Variants in SBF1 observed in about 807,000 individuals in gnomAD.
SBF1 encodes the protein SET binding factor 1, also known as myotubularin-related protein 5.
In SBF1, 65 loss-of-function variants were observed where a neutral mutation model predicts 215.8. The ratio of observed to expected loss-of-function variants is 0.30; its 90% confidence interval spans 0.25 to 0.37. The LOEUF (loss-of-function observed/expected upper bound fraction) is 0.37. Ranked by LOEUF, SBF1 falls within the 10% of genes least tolerant of loss-of-function variation. The pLI is 1.00. For missense variants in SBF1, 2,634 were observed against 2,667.8 expected, an observed-to-expected ratio of 0.99 and a Z score of 0.28; for synonymous variants, 1,410 against 1,122.8, an observed-to-expected ratio of 1.26 and a Z score of -5.11.
intron 31 of SBF1, 152 bp downstream of exon 31, chr22:50,456,064 T>C (rs780530062): frequency 1.2e-6 from 1 of 822,376 alleles, no homozygotes; most frequent in Non-Finnish European, 1.8e-6. Context: ...AGCTGCCTTC[T>C]AGGCACCAGA....
chr22:50,466,302 G>A (rs1435535367), intron 7 of SBF1, 44 bp from the exon 8 acceptor site: 1 of 1,609,868 alleles, frequency 6.2e-7, no homozygotes. Flanking sequence ...GGACGCGGCT[G>A]GGCAAAGGGG....
Position 50,455,409 on chromosome 22 carries a change from C to T in SBF1, c.4369G>A (p.Val1457Met). ...LEDGWDITTQVVSLVQLLSDP... is the reference protein window; with the variant it reads ...LEDGWDITTQMVSLVQLLSDP... ...GAGAGCAGCTGCACCAAGGATACCA[C>T]CTGCCAGCACCGCCAGGAGGTCAGC... The change falls in exon 33 of 41, where the codon GTG becomes ATG. Residue 1457 changes from valine to methionine, a missense_variant and splice_region_variant. Coordinates refer to ENST00000380817, the MANE Select transcript of SBF1 (RefSeq NM_002972.4). 1 of 1,612,030 alleles carries T rather than the reference C, an allele frequency of 6.2e-7. No homozygotes were observed. The highest frequency in any genetic ancestry group is 8.5e-7 in the Non-Finnish European group (1 of 1,178,992).
intron 5 of SBF1, 82 bp downstream of exon 5, chr22:50,467,256 T>C: frequency 8.6e-7 from 1 of 1,164,336 alleles, no homozygotes; most frequent in Non-Finnish European, 1.3e-6. Context: ...TGTGTGTGGC[T>C]CTGGCTGGGC....
intron 31 of SBF1, 104 bp downstream of exon 31, chr22:50,456,112 C>A (rs936772919): frequency 1.2e-5 from 15 of 1,231,554 alleles, no homozygotes; most frequent in South Asian, 9.3e-5. Context: ...CTCCTTCCAG[C>A]GCTCCACACT....
At chr22:50,470,313 G>A (rs563821527) in intron 1 of SBF1, among the ~76,000 whole-genome samples, 34 of 152,294 alleles carry the variant, frequency 2.2e-4, no homozygotes, top group Non-Finnish European at 4.7e-4. Context: ...GGCCAGGAAG[G>A]GAAGGCAGCC....
intron 5 of SBF1, chr22:50,466,930 G>T: frequency 1.8e-6 from 1 of 565,318 alleles, no homozygotes; most frequent in African/African-American, 1.9e-5. Flanking sequence ...TTTTGACTTG[G>T]GGGTAGGGAT....
chr22:50,467,182 G>A, intron 5 of SBF1, 156 bp downstream of exon 5: 2 of 643,780 alleles, frequency 3.1e-6, no homozygotes, highest in Non-Finnish European at 2.7e-6. Flanking sequence ...CAGGTAAGCA[G>A]GCCAGGACTG....
In SBF1 at chr22:50,456,684, G is replaced by C; in HGVS notation, c.3905-11C>G. On this transcript the variant is annotated splice_polypyrimidine_tract_variant and intron_variant, in intron 29 of 40. Coordinates refer to ENST00000380817, the MANE Select transcript of SBF1 (RefSeq NM_002972.4). ...CACTGCCCCACTTACCTGTGAAGGA[G>C]ATGCCAGGTAAGCACCCAAAGGGGG... is the stretch of plus-strand genomic sequence containing the variant. The C allele has an allele frequency of 6.8e-7, 1 of 1,463,724 alleles. No homozygotes were observed. The highest frequency in any genetic ancestry group is 9.0e-7 in the Non-Finnish European group (1 of 1,105,478). The allele number at this position is 1,463,724 out of a possible 1,614,324, so 90.7% of individuals were successfully genotyped here. A position where few individuals can be genotyped will look rare whatever the true frequency, so the allele number is the denominator to read the frequency against.
At position 50,461,629 on chromosome 22, in the gene SBF1, C is replaced by G. The variant is rs1337391388; in HGVS notation, c.2733G>C (p.Glu911Asp). 1 of 1,611,362 alleles carries G rather than the reference C, an allele frequency of 6.2e-7. No individual in the cohort carries two copies. The highest frequency in any genetic ancestry group is 1.3e-5 in the African/African-American group (1 of 74,938). The change falls in exon 22 of 41, where the codon GAG becomes GAC. Residue 911 changes from glutamate (E) to aspartate (D), a missense_variant. By Grantham distance (45) the Glu-to-Asp change is conservative. Transcript: ENST00000380817. Reference sequence around the variant, plus strand: ...GTCCCCCAGCACTGCCCCCCGCGCCCTCCTCACGCCCATCCGGCAGCAGGT... The same window carrying G: ...GTCCCCCAGCACTGCCCCCCGCGCCGTCCTCACGCCCATCCGGCAGCAGGT... ...RVYLLPDGREEGAGGSAGGPA... is the reference protein window; with the variant it reads ...RVYLLPDGREDGAGGSAGGPA...
In SBF1 at chr22:50,460,668, G is replaced by A. The variant is rs774740390; in HGVS notation, c.3012C>T (p.Ala1004=). The A allele has an allele frequency of 2.4e-5, 39 of 1,613,734 alleles. No homozygotes were observed. Among genetic ancestry groups the A allele is most frequent in the Admixed American group, 1.7e-4 (10 of 59,996 alleles). Residue 1004 remains alanine (A), a synonymous_variant, in exon 24 of 41, where the codon GCC becomes GCT. Transcript: ENST00000380817. ...TATGCAGCTGCTTACGGAAGAGCTC[G>A]GCGCTGTCAGACCCCACCTCCTCGT... The part of the protein sequence containing the change: ...AFDEEVGSDS[A]ELFRKQLHKL...
Position 50,446,865 on chromosome 22 carries a change from C to A in SBF1, c.*277G>T, listed in dbSNP as rs1350902844. ...CTAGAAACTCGCCTGCAGCCGCTGG[C>A]TGGACCAGCACACGCTGACGGGGCC... On this transcript the variant is annotated 3_prime_UTR_variant, in exon 41 of 41. Coordinates refer to ENST00000380817, the MANE Select transcript of SBF1 (RefSeq NM_002972.4). 1 of 742,816 alleles carries A rather than the reference C, an allele frequency of 1.3e-6. No homozygotes were observed. Among genetic ancestry groups the A allele is most frequent in the Non-Finnish European group, 2.5e-6 (1 of 404,980 alleles). The allele number at this position is 742,816 out of a possible 1,614,324, so 46.0% of individuals were successfully genotyped here. A position where few individuals can be genotyped will look rare whatever the true frequency, so the allele number is the denominator to read the frequency against.
intron 36 of SBF1, among the ~76,000 whole-genome samples, chr22:50,454,152 G>A (rs1326235946): frequency 1.3e-5 from 2 of 152,234 alleles, no homozygotes; most frequent in African/African-American, 4.8e-5. Flanking sequence ...GGCAGAGGGA[G>A]TAAAACACTG....
Position 50,457,024 on chromosome 22 carries a change from G to T in SBF1, c.3904+10C>A. ...AGGGGAGGCGGGCCTGCGCAGGCTC[G>T]GTACGGTACCTCGGGGTGCGGTCCG... On this transcript the variant is annotated intron_variant, in intron 29 of 40. Coordinates refer to ENST00000380817, the MANE Select transcript of SBF1 (RefSeq NM_002972.4). 1 of 1,422,986 alleles carries T rather than the reference G, an allele frequency of 7.0e-7. No homozygotes were observed. The highest frequency in any genetic ancestry group is 9.2e-7 in the Non-Finnish European group (1 of 1,089,346). The allele number at this position is 1,422,986 out of a possible 1,614,324, so 88.1% of individuals were successfully genotyped here.
chr22:50,469,205 G>C (rs778850671), intron 1 of SBF1, among the ~76,000 whole-genome samples: 2 of 152,340 alleles, frequency 1.3e-5, no homozygotes, highest in South Asian at 2.1e-4. Flanking sequence ...TCAGAGGAGA[G>C]TGGGACGGTG....
intron 1 of SBF1, among the ~76,000 whole-genome samples, chr22:50,472,915 C>T (rs1288612001): frequency 6.6e-6 from 1 of 152,198 alleles, no homozygotes; most frequent in African/African-American, 2.4e-5. Context: ...CAGGGCTCCA[C>T]GGTCCTCCAA....
rs2067495219 is a variant in SBF1, at chr22:50,461,231, C to T, written c.2895G>A (p.Lys965=). The part of the protein sequence containing the change: ...SFPVAALTKE[K]RISVQTPVDQ... ...CCACAGGGGTCTGGACGCTGATGCG[C>T]TTCTCCTTGGTCAGCGCAGCCACCG... The change falls in exon 23 of 41, where the codon AAG becomes AAA. Residue 965 remains lysine (K), a synonymous_variant. Transcript: ENST00000380817. 2 of 1,613,334 alleles carry T rather than the reference C, an allele frequency of 1.2e-6. No individual in the cohort carries two copies. The highest frequency in any genetic ancestry group is 1.7e-6 in the Non-Finnish European group (2 of 1,179,682).
intron 5 of SBF1, 61 bp from the exon 6 acceptor site, chr22:50,466,771 A>G: frequency 8.2e-7 from 1 of 1,223,952 alleles, no homozygotes; most frequent in Non-Finnish European, 1.1e-6. Flanking sequence ...GAGTCAGCCC[A>G]GAGCTCTGTG....
rs746853534 is a variant in SBF1 at position 50,462,721 on chromosome 22, C to A, written c.1969-4G>T. ...GCGTCACCCCCGGGCTCAGCTTCTG[C>A]AGGAGCCAGGGGAGAAGGTCAGCTG... On this transcript the variant is annotated splice_polypyrimidine_tract_variant and splice_region_variant and intron_variant, in intron 17 of 40. Transcript: ENST00000380817. The A allele has an allele frequency of 6.2e-7, 1 of 1,610,876 alleles. No homozygotes were observed. Among genetic ancestry groups the A allele is most frequent in the East Asian group, 2.2e-5 (1 of 44,826 alleles).
chr22:50,454,473 G>A (rs1261179850), intron 36 of SBF1, 39 bp downstream of exon 36: 5 of 1,546,458 alleles, frequency 3.2e-6, no homozygotes, highest in Admixed American at 1.7e-5. Context: ...CGAGAGGAGG[G>A]GGGTGCCAGG....
Sources: gnomAD v4.1 joint callset for allele counts (sites outside exome capture counted in the v4.1 genomes callset) on GRCh38, gnomAD v4.1.1 for gene constraint, MANE v1.5 for transcripts, NCBI Gene and HGNC (gene_info 2026-07-23, HGNC 2026-07-21) for gene names.